ARFGEF1: variants seen among roughly 807,000 people sequenced by gnomAD.
ARFGEF1 encodes ARF guanine nucleotide exchange factor 1.
A neutral mutation model predicts 231.0 loss-of-function variants in ARFGEF1; 42 were observed. The observed-to-expected ratio is 0.18, with a 90% CI of 0.14 to 0.24. ARFGEF1 has a LOEUF of 0.24. Ranked by LOEUF, ARFGEF1 falls within the 10% of genes least tolerant of loss-of-function variation. The probability of loss-of-function intolerance (pLI) is 1.00; values close to 1 mark genes in which losing one functional copy is unlikely to be tolerated. For synonymous variants in ARFGEF1, 710 were observed against 732.3 expected (o/e 0.97, Z 0.49); for missense variants, 1,345 against 2,192.0 (o/e 0.61, Z 7.72).
At chr8:67,259,691 G>T in intron 15 of ARFGEF1, 124 bp downstream of exon 15, 2 of 574,608 alleles carry the variant, frequency 3.5e-6, no homozygotes, top group Non-Finnish European at 5.9e-6. Context: ...GAGGCAGGAG[G>T]ATTGCCTGAG....
downstream of ARFGEF1, chr8:67,175,214 C>T: frequency 1.0e-6 from 1 of 981,648 alleles, no homozygotes; most frequent in Non-Finnish European, 1.6e-6. Flanking sequence ...TTAGGTTACT[C>T]ATGTTACTTA....
intron 5 of ARFGEF1, among the ~76,000 whole-genome samples, chr8:67,192,473 C>A (rs900043235): frequency 8.5e-5 from 13 of 152,144 alleles, no homozygotes; most frequent in Non-Finnish European, 1.5e-4. Context: ...ATTTTCAGAT[C>A]TTTTTTCCCA....
intron 34 of ARFGEF1, among the ~76,000 whole-genome samples, chr8:67,205,334 C>A (rs1386159436): frequency 6.6e-6 from 1 of 152,106 alleles, no homozygotes; most frequent in African/African-American, 2.4e-5. Flanking sequence ...GGTCTGGGTC[C>A]CCTGGGACTA....
At chr8:67,210,639 A>C (rs865822743) in intron 34 of ARFGEF1, among the ~76,000 whole-genome samples, 2 of 152,300 alleles carry the variant, frequency 1.3e-5, no homozygotes, top group Middle Eastern at 3.4e-3. Flanking sequence ...GGGTGGAGAA[A>C]GAAGACTCAG....
intron 4 of ARFGEF1, among the ~76,000 whole-genome samples, chr8:67,297,535 A>G (rs910272978): frequency 1.4e-4 from 22 of 152,198 alleles, no homozygotes; most frequent in African/African-American, 5.3e-4. Context: ...AGCTGTGATC[A>G]TGCCACAGCA....
downstream of ARFGEF1, chr8:67,193,688 G>A (rs1273994824): frequency 8.3e-7 from 1 of 1,201,784 alleles, no homozygotes. Flanking sequence ...AACGTCTGAG[G>A]GATAGATGGA....
chr8:67,178,614 G>A (rs562496322), intron 5 of ARFGEF1, among the ~76,000 whole-genome samples: 2 of 152,308 alleles, frequency 1.3e-5, no homozygotes, highest in East Asian at 3.9e-4. Context: ...AATACAGTGG[G>A]CATGGGGGCT....
chr8:67,242,788 C>T (rs1352784503), intron 19 of ARFGEF1, among the ~76,000 whole-genome samples: 1 of 152,226 alleles, frequency 6.6e-6, no homozygotes, highest in African/African-American at 2.4e-5. Flanking sequence ...GGGAAGCCCA[C>T]TGCCCTGAAG....
intron 17 of ARFGEF1, 92 bp from the exon 18 acceptor site, chr8:67,253,714 TA>T: frequency 1.4e-6 from 1 of 695,980 alleles, no homozygotes; most frequent in African/African-American, 1.9e-5. Context: ...AGAGATTTTG[TA>T]AATACTTTTG....
intron 5 of ARFGEF1, among the ~76,000 whole-genome samples, chr8:67,293,276 G>C (rs372537194): frequency 3.9e-5 from 6 of 152,040 alleles, no homozygotes; most frequent in African/African-American, 9.7e-5. Flanking sequence ...GAAACTCTTT[G>C]CCTCAAATGT....
At chr8:67,252,194 C>T (rs1840308448) in intron 18 of ARFGEF1, among the ~76,000 whole-genome samples, 1 of 150,966 alleles carries the variant, frequency 6.6e-6, no homozygotes, top group Admixed American at 6.6e-5. Flanking sequence ...ATTGCTTGAA[C>T]CCAGGAGACG....
intron 1 of ARFGEF1, 64 bp downstream of exon 1, chr8:67,343,100 C>A (rs916103925): frequency 2.7e-5 from 15 of 565,422 alleles, no homozygotes; most frequent in East Asian, 2.3e-4. Flanking sequence ...CCCACCCCCC[C>A]ACAGGCGCCC....
chr8:67,260,278 A>G (rs996004555), intron 14 of ARFGEF1, among the ~76,000 whole-genome samples: 1 of 152,186 alleles, frequency 6.6e-6, no homozygotes, highest in South Asian at 2.1e-4. Context: ...AGTAATACTA[A>G]ATATTTCATA....
rs201008264 is a variant in ARFGEF1, at chr8:67,190,714, C to T, written c.560+9682G>A. ...TCCTCCCTCCACCATCACAGTTGCCCTCTGCACGGGAGCGCAGGAGGAACA... is the reference window on the plus strand; with the variant it reads ...TCCTCCCTCCACCATCACAGTTGCCTTCTGCACGGGAGCGCAGGAGGAACA... On this transcript the variant is annotated intron_variant, in intron 5 of 5. Coordinates refer to the ARFGEF1 transcript ENST00000518789. 498 of 1,614,100 alleles carry T rather than the reference C, an allele frequency of 3.1e-4. 1 individual carries two copies. The African/African-American group carries it at 5.3e-3, about 17-fold the overall frequency.
At chr8:67,201,366 C>G in intron 37 of ARFGEF1, 101 bp downstream of exon 37, 1 of 1,415,804 alleles carries the variant, frequency 7.1e-7, no homozygotes, top group Non-Finnish European at 9.4e-7. Context: ...GGCATCCAGG[C>G]CCCAAAGCCT....
Position 67,217,911 on chromosome 8 carries a change from T to C in ARFGEF1, c.4484A>G (p.Gln1495Arg). Residue 1495 changes from glutamine (Q) to arginine (R), a missense_variant, in exon 32 of 39, where the codon CAG becomes CGG. Physicochemically the swap from Gln to Arg is conservative, Grantham distance 43. Transcript: ENST00000262215. ...ACAGTTTGTACCAGATCGCGCTAAC[T>C]GCTCATTGTCTAGGAAAGAAAAGAG... ...LYWCVQQDNE[Q>R]LARSGTNCLE... is the part of the protein sequence containing the mutation. 6.2e-7 allele frequency: 1 copy of C among 1,613,864 alleles called. No individual in the cohort carries two copies.
intron 5 of ARFGEF1, among the ~76,000 whole-genome samples, chr8:67,295,144 C>T (rs532428403): frequency 6.6e-6 from 1 of 152,086 alleles, no homozygotes; most frequent in South Asian, 2.1e-4. Context: ...AGGAGAAATT[C>T]AATTAATAAA....
intron 18 of ARFGEF1, among the ~76,000 whole-genome samples, chr8:67,253,197 GTTACT>G (rs1272127511): frequency 1.3e-5 from 2 of 152,018 alleles, no homozygotes; most frequent in African/African-American, 4.8e-5. Flanking sequence ...TATTTCTAAG[GTTACT>G]TTATTCTAAA....
chr8:67,189,625 G>C (rs1401397677), intron 5 of ARFGEF1, among the ~76,000 whole-genome samples: 1 of 152,216 alleles, frequency 6.6e-6, no homozygotes, highest in Middle Eastern at 3.4e-3. Context: ...TAAATTTTCT[G>C]AATGTTATAA....
Sources: gnomAD v4.1 joint callset for allele counts (sites outside exome capture counted in the v4.1 genomes callset) on GRCh38, gnomAD v4.1.1 for gene constraint, MANE v1.5 for transcripts, NCBI Gene and HGNC (gene_info 2026-07-23, HGNC 2026-07-21) for gene names.